The following FAM13A variants were observed in gnomAD, a reference collection of about 807,000 sequenced individuals.
FAM13A encodes protein FAM13A.
Under a neutral mutation model 129.6 loss-of-function variants are expected in FAM13A, and 76 were observed. That is an observed-to-expected ratio of 0.59 (90% CI 0.49 to 0.71). The LOEUF (loss-of-function observed/expected upper bound fraction) is 0.71. Among genes scored for constraint, FAM13A ranks in the 30% least tolerant of loss-of-function variants. The pLI is 0.00. For synonymous variants in FAM13A, 443 were observed against 449.9 expected, an observed-to-expected ratio of 0.98 and a Z score of 0.20; for missense variants, 1,108 against 1,249.3, an observed-to-expected ratio of 0.89 and a Z score of 1.70.
chr4:88,910,035 T>C lies in FAM13A; in HGVS notation c.760-3573A>G, dbSNP rs115334609. On this transcript the variant is annotated intron_variant, in intron 5 of 23. Coordinates refer to ENST00000264344, the MANE Select transcript of FAM13A (RefSeq NM_014883.4). ...TTTTTAGAAAAAGTTTGGAGGGGGATGTTGTGTTTCTAAGTGTTAAATTGT... is the reference window on the plus strand; with the variant it reads ...TTTTTAGAAAAAGTTTGGAGGGGGACGTTGTGTTTCTAAGTGTTAAATTGT... Among the ~76,000 whole-genome samples the C allele has an allele frequency of 6.5e-3, 997 of 152,286 alleles. 16 individuals carry two copies. The highest frequency in any genetic ancestry group is 0.023 in the African/African-American group (954 of 41,560).
intron 4 of FAM13A, among the ~76,000 whole-genome samples, chr4:88,978,662 T>C (rs1028402712): frequency 1.6e-3 from 248 of 151,976 alleles, no homozygotes; most frequent in Middle Eastern, 0.014. Flanking sequence ...GGCGTGGTGG[T>C]GGGCGCCTGT....
At chr4:88,737,336 A>G in intron 21 of FAM13A, 136 bp downstream of exon 21, 2 of 709,996 alleles carry the variant, frequency 2.8e-6, no homozygotes, top group Non-Finnish European at 5.1e-6. Context: ...ATATGTAGCT[A>G]CTGATTTTTA....
Position 88,874,564 on chromosome 4 carries a change from C to T in FAM13A, c.844-23381G>A, listed in dbSNP as rs183799095. Among the ~76,000 whole-genome samples, 404 of 152,184 alleles carry T rather than the reference C, an allele frequency of 2.7e-3. 2 individuals carry two copies. Among genetic ancestry groups the T allele is most frequent in the African/African-American group, 8.9e-3 (370 of 41,500 alleles). ...AATTGCTTCAAAGAGAATAAAATAC[C>T]TAGGAATCCAACTGACAAGGGACGT... On this transcript the variant is annotated intron_variant, in intron 6 of 23. Transcript: ENST00000264344.
chr4:88,997,435 C>T (rs1763696183), intron 3 of FAM13A, among the ~76,000 whole-genome samples: 2 of 152,132 alleles, frequency 1.3e-5, no homozygotes, highest in African/African-American at 4.8e-5. Flanking sequence ...AAACATTCAA[C>T]TAGCACAGTA....
chr4:88,962,057 A>T (rs1319934950), intron 4 of FAM13A, among the ~76,000 whole-genome samples: 2 of 152,080 alleles, frequency 1.3e-5, no homozygotes. Context: ...GAAAGAAGGT[A>T]ACTAGGTAGG....
chr4:89,015,268 T>A (rs147622487), intron 3 of FAM13A, among the ~76,000 whole-genome samples: 2 of 152,154 alleles, frequency 1.3e-5, no homozygotes, highest in South Asian at 4.2e-4. Flanking sequence ...CCTGCCTCCA[T>A]TTGCCTTGTA....
At chr4:88,838,125 T>C (rs548475586) in intron 7 of FAM13A, among the ~76,000 whole-genome samples, 93 of 152,330 alleles carry the variant, frequency 6.1e-4, no homozygotes, top group African/African-American at 2.2e-3. Flanking sequence ...TATGCAAATA[T>C]GTCATTTATA....
intron 3 of FAM13A, 42 bp from the exon 4 acceptor site, chr4:88,991,192 C>T (rs1049800094): frequency 3.4e-6 from 5 of 1,478,618 alleles, no homozygotes; most frequent in Admixed American, 3.9e-5. Context: ...GTATATTTCA[C>T]AGTAACAACA....
intron 3 of FAM13A, among the ~76,000 whole-genome samples, chr4:89,015,135 G>A (rs1483898397): frequency 2.0e-5 from 3 of 152,102 alleles, no homozygotes; most frequent in African/African-American, 7.2e-5. Context: ...TTAGGACGAG[G>A]AAATTTTGGT....
At position 88,845,309 on chromosome 4, in the gene FAM13A, T is replaced by A. The variant is rs116379535; in HGVS notation, c.1007+5711A>T. ...GAGAGTGAGTTCTGTTTGGGCATAGTGAGTTTAAGGTACATCCTGAAGTGG... is the reference window on the plus strand; with the variant it reads ...GAGAGTGAGTTCTGTTTGGGCATAGAGAGTTTAAGGTACATCCTGAAGTGG... On this transcript the variant is annotated intron_variant, in intron 7 of 23. Coordinates refer to ENST00000264344, the MANE Select transcript of FAM13A (RefSeq NM_014883.4). Among the ~76,000 whole-genome samples, 383 of 151,968 alleles carry A rather than the reference T, an allele frequency of 2.5e-3. 1 individual carries two copies. Among genetic ancestry groups the A allele is most frequent in the African/African-American group, 8.7e-3 (360 of 41,432 alleles).
At chr4:88,866,756 A>C (rs1445246118) in intron 6 of FAM13A, among the ~76,000 whole-genome samples, 1 of 152,194 alleles carries the variant, frequency 6.6e-6, no homozygotes, top group Admixed American at 6.5e-5. Flanking sequence ...TGGAACCTCT[A>C]TACTTTATTA....
intron 3 of FAM13A, among the ~76,000 whole-genome samples, chr4:89,004,756 T>C (rs2149065438): frequency 6.6e-6 from 1 of 151,390 alleles, no homozygotes; most frequent in Non-Finnish European, 1.5e-5. Context: ...TGGACAGGAG[T>C]GAGGGCTGAG....
chr4:88,996,266 G>GAGA (rs1162604346), intron 3 of FAM13A, among the ~76,000 whole-genome samples: 2 of 152,180 alleles, frequency 1.3e-5, no homozygotes, highest in Non-Finnish European at 2.9e-5. Context: ...GAGCTGTGGG[G>GAGA]AGACATGATC....
At chr4:88,741,255 C>T (rs1256269157) in intron 19 of FAM13A, among the ~76,000 whole-genome samples, 3 of 152,182 alleles carry the variant, frequency 2.0e-5, no homozygotes, top group African/African-American at 7.2e-5. Flanking sequence ...AGAAATTGCC[C>T]ATATGCCCAT....
chr4:88,844,892 G>C (rs1736390895), intron 7 of FAM13A, among the ~76,000 whole-genome samples: 1 of 152,178 alleles, frequency 6.6e-6, no homozygotes, highest in East Asian at 1.9e-4. Context: ...TAAGGAGTAG[G>C]GGAAGGGTTT....
intron 3 of FAM13A, among the ~76,000 whole-genome samples, chr4:89,019,251 A>T (rs1001960890): frequency 2.6e-5 from 4 of 152,170 alleles, no homozygotes; most frequent in African/African-American, 4.8e-5. Flanking sequence ...TCTTTAGCAT[A>T]CTGCATGTGA....
chr4:88,876,182 C>T (rs930632199), intron 6 of FAM13A, among the ~76,000 whole-genome samples: 36 of 152,192 alleles, frequency 2.4e-4, no homozygotes, highest in Admixed American at 1.4e-3. Flanking sequence ...AGGAGAAATA[C>T]CTAATGCAAA....
intron 3 of FAM13A, among the ~76,000 whole-genome samples, chr4:89,018,696 T>C (rs887281274): frequency 6.6e-6 from 1 of 152,230 alleles, no homozygotes; most frequent in African/African-American, 2.4e-5. Flanking sequence ...AGAGTGAGGA[T>C]TTCTTTGAAG....
intron 4 of FAM13A, among the ~76,000 whole-genome samples, chr4:88,967,097 C>A (rs990860551): frequency 2.0e-5 from 3 of 152,090 alleles, no homozygotes; most frequent in Admixed American, 6.5e-5. Flanking sequence ...TACCTAACTT[C>A]TAGGGTTGTT....
Sources: gnomAD v4.1 joint callset for allele counts (sites outside exome capture counted in the v4.1 genomes callset) on GRCh38, gnomAD v4.1.1 for gene constraint, MANE v1.5 for transcripts, NCBI Gene and HGNC (gene_info 2026-07-23, HGNC 2026-07-21) for gene names.